The following NYAP2 variants were observed in gnomAD, a reference collection of about 807,000 sequenced individuals.
The protein encoded by NYAP2 is neuronal tyrosine-phosphorylated phosphoinositide-3-kinase adaptor 2.
NYAP2 carries 23 observed loss-of-function variants against 50.4 expected under a neutral mutation model. That is an observed-to-expected ratio of 0.46 (90% CI 0.33 to 0.65). The LOEUF is 0.65. NYAP2 is among the 30% of genes least tolerant of loss of function. The pLI is 0.02. For missense variants in NYAP2, 885 were observed against 861.0 expected (o/e 1.03, Z -0.35); for synonymous variants, 394 against 365.2 (o/e 1.08, Z -0.90).
chr2:225,505,920 G>T (rs1366643626), intron 3 of NYAP2, among the ~76,000 whole-genome samples: 1 of 152,136 alleles, frequency 6.6e-6, no homozygotes, highest in Non-Finnish European at 1.5e-5. Flanking sequence ...CTTCTGGCCA[G>T]TGCAGCTTCG....
At chr2:225,612,796 G>GGACATCACACCCAATGTGTGTGAT (rs67035731) in intron 5 of NYAP2, among the ~76,000 whole-genome samples, 4,290 of 124,300 alleles carry the variant, frequency 0.035, 435 homozygotes, top group East Asian at 0.11. Flanking sequence ...CCCCACCTTT[G>GGACATCACACCCAATGTGTGTGAT]GACATCACAC....
At chr2:225,660,440 C>T in the NYAP2 span, among the ~76,000 whole-genome samples, 2 of 68,264 alleles carry the variant, frequency 2.9e-5, no homozygotes, top group African/African-American at 8.0e-5. Context: ...ACACAGGATA[C>T]ATTTTTTTTT....
At chr2:225,511,677 AT>A (rs112710993) in intron 3 of NYAP2, among the ~76,000 whole-genome samples, 1 of 152,312 alleles carries the variant, frequency 6.6e-6, no homozygotes, top group African/African-American at 2.4e-5. Flanking sequence ...TTCTTGTTAA[AT>A]TCTTCTTGTC....
At chr2:225,440,175 C>A (rs1471573854) in intron 3 of NYAP2, among the ~76,000 whole-genome samples, 1 of 152,166 alleles carries the variant, frequency 6.6e-6, no homozygotes, top group Non-Finnish European at 1.5e-5. Context: ...ATCAAACAGC[C>A]ATTTTTTTAC....
At chr2:225,507,285 C>G (rs979960512) in intron 3 of NYAP2, among the ~76,000 whole-genome samples, 1 of 152,182 alleles carries the variant, frequency 6.6e-6, no homozygotes, top group Non-Finnish European at 1.5e-5. Flanking sequence ...AGAAGCAACA[C>G]CCCTGTCACT....
At chr2:225,617,834 G>A (rs1390023781) in intron 5 of NYAP2, among the ~76,000 whole-genome samples, 1 of 152,192 alleles carries the variant, frequency 6.6e-6, no homozygotes, top group East Asian at 1.9e-4. Flanking sequence ...TATGAGCCAG[G>A]GATGGGATTA....
intron 3 of NYAP2, among the ~76,000 whole-genome samples, chr2:225,483,512 C>A (rs1326196601): frequency 6.6e-6 from 1 of 152,044 alleles, no homozygotes; most frequent in Non-Finnish European, 1.5e-5. Context: ...AAGCACTGGT[C>A]AAAATACCTT....
At chr2:225,603,285 T>C (rs1221443572) in intron 5 of NYAP2, among the ~76,000 whole-genome samples, 1 of 152,208 alleles carries the variant, frequency 6.6e-6, no homozygotes, top group Non-Finnish European at 1.5e-5. Flanking sequence ...GGCATTATTC[T>C]AGGTGCTAGC....
intron 4 of NYAP2, among the ~76,000 whole-genome samples, chr2:225,538,508 G>C (rs1691390543): frequency 6.6e-6 from 1 of 152,192 alleles, no homozygotes; most frequent in Admixed American, 6.5e-5. Context: ...TTTTCAGCCA[G>C]GCTTGAGTGG....
At chr2:225,620,451 ACG>A (rs1693077473) in intron 5 of NYAP2, among the ~76,000 whole-genome samples, 1 of 142,282 alleles carries the variant, frequency 7.0e-6, no homozygotes, top group Non-Finnish European at 1.6e-5. Flanking sequence ...ACGCACACGC[ACG>A]CACACACGCG....
chr2:225,422,435 C>G (rs546943931), intron 3 of NYAP2, among the ~76,000 whole-genome samples: 43 of 152,168 alleles, frequency 2.8e-4, no homozygotes, highest in Non-Finnish European at 5.4e-4. Context: ...AGGAATTTCT[C>G]CTGACTCATG....
chr2:225,491,728 C>T (rs1202396242), intron 3 of NYAP2, among the ~76,000 whole-genome samples: 1 of 152,136 alleles, frequency 6.6e-6, no homozygotes, highest in Non-Finnish European at 1.5e-5. Context: ...TGCTAACAGC[C>T]TTGACTTTTG....
chr2:225,628,315 GTTTTTTTTTT>G (rs543647777), intron 6 of NYAP2, among the ~76,000 whole-genome samples: 2 of 109,418 alleles, frequency 1.8e-5, no homozygotes, highest in Admixed American at 9.9e-5. Context: ...AGAACACATA[GTTTTTTTTTT>G]TTTTTTTTTT....
chr2:225,604,027 A>G (rs932448308), intron 5 of NYAP2, among the ~76,000 whole-genome samples: 2 of 152,216 alleles, frequency 1.3e-5, no homozygotes, highest in Admixed American at 1.3e-4. Context: ...ATAAGGAATA[A>G]CATCTAAGAC....
chr2:225,589,397 T>A (rs1692449110), intron 5 of NYAP2, among the ~76,000 whole-genome samples: 1 of 150,730 alleles, frequency 6.6e-6, no homozygotes, highest in South Asian at 2.1e-4. Context: ...AGGTTGGATG[T>A]GGTGGCTCAC....
chr2:225,598,657 A>C (rs1388170369), intron 5 of NYAP2, among the ~76,000 whole-genome samples: 1 of 152,250 alleles, frequency 6.6e-6, no homozygotes, highest in Non-Finnish European at 1.5e-5. Context: ...TAACCTCCTA[A>C]ATACAGATAA....
At chr2:225,519,085 A>G (rs1165771657) in intron 4 of NYAP2, among the ~76,000 whole-genome samples, 2 of 152,050 alleles carry the variant, frequency 1.3e-5, no homozygotes, top group African/African-American at 4.8e-5. Flanking sequence ...AATAAACAGA[A>G]AAATATTCCT....
At chr2:225,503,517 A>T (rs750893230) in intron 3 of NYAP2, among the ~76,000 whole-genome samples, 1 of 152,220 alleles carries the variant, frequency 6.6e-6, no homozygotes, top group African/African-American at 2.4e-5. Context: ...CTTAATAAGC[A>T]TTATATTTCT....
chr2:225,499,176 G>C (rs773696580), intron 3 of NYAP2, among the ~76,000 whole-genome samples: 1 of 152,106 alleles, frequency 6.6e-6, no homozygotes, highest in Non-Finnish European at 1.5e-5. Context: ...AGCAGGAGAG[G>C]ACAGTATTCA....
Sources: gnomAD v4.1 joint callset for allele counts (sites outside exome capture counted in the v4.1 genomes callset) on GRCh38, gnomAD v4.1.1 for gene constraint, MANE v1.5 for transcripts, NCBI Gene and HGNC (gene_info 2026-07-23, HGNC 2026-07-21) for gene names.